ST3GAL1: variants seen among roughly 807,000 people sequenced by gnomAD.
ST3GAL1 encodes the protein ST3 beta-galactoside alpha-2,3-sialyltransferase 1.
A neutral mutation model predicts 34.1 loss-of-function variants in ST3GAL1; 16 were observed. The ratio of observed to expected loss-of-function variants is 0.47; its 90% CI spans 0.32 to 0.71. The LOEUF (loss-of-function observed/expected upper bound fraction) is 0.71, where lower values mean the gene tolerates loss of function less well. Ranked by LOEUF, ST3GAL1 falls within the 30% of genes least tolerant of loss-of-function variation. The pLI is 0.04. For synonymous variants in ST3GAL1, 191 were observed against 184.7 expected, an observed-to-expected ratio of 1.03 and a Z score of -0.28; for missense variants, 353 against 447.4, an observed-to-expected ratio of 0.79 and a Z score of 1.90.
chr8:133,463,066 G>A (rs529678251), intron 8 of ST3GAL1, among the ~76,000 whole-genome samples: 1 of 152,346 alleles, frequency 6.6e-6, no homozygotes, highest in East Asian at 1.9e-4. Flanking sequence ...GGTGCAGCCT[G>A]GCTTTGAGAG....
At chr8:133,506,965 A>AT (rs1554615413) in intron 2 of ST3GAL1, among the ~76,000 whole-genome samples, 1 of 102,712 alleles carries the variant, frequency 9.7e-6, no homozygotes. Context: ...ATAATAAATA[A>AT]AAATAAAAAT....
rs778239280 is a variant in ST3GAL1 at position 133,467,169 on chromosome 8, C to G, written c.307-1079G>C. On this transcript the variant is annotated intron_variant, in intron 5 of 9. Coordinates refer to ENST00000522652, the MANE Select transcript of ST3GAL1 (RefSeq NM_173344.3). This position sits in a 1 kb window ranked among gnomAD's most constrained non-coding sequence, Gnocchi z 4.2. ...GAATGCCAGTCTTATTCCAGGGTGA[C>G]TAAATATTACTTATTTGCCCAGGTT... Among the ~76,000 whole-genome samples the G allele has an allele frequency of 1.1e-4, 17 of 151,856 alleles. No individual in the cohort carries two copies. Among genetic ancestry groups the G allele is most frequent in the Admixed American group, 2.6e-4 (4 of 15,270 alleles).
chr8:133,521,752 G>A (rs1298822549), intron 2 of ST3GAL1, among the ~76,000 whole-genome samples: 12 of 152,138 alleles, frequency 7.9e-5, no homozygotes, highest in Non-Finnish European at 1.2e-4. Context: ...TAAATAACAC[G>A]GAGGAATATC....
intron 1 of ST3GAL1, among the ~76,000 whole-genome samples, chr8:133,562,852 T>C (rs1563744741): frequency 3.5e-5 from 2 of 56,978 alleles, no homozygotes; most frequent in African/African-American, 8.9e-5. Context: ...CTTTCTTTCT[T>C]TTTTTTTTTT....
chr8:133,464,146 C>G (rs1563694282), intron 7 of ST3GAL1, among the ~76,000 whole-genome samples: 2 of 152,358 alleles, frequency 1.3e-5, no homozygotes, highest in Non-Finnish European at 2.9e-5. Flanking sequence ...AGCACAGGCT[C>G]TGTGTCGAGT....
chr8:133,464,997 G>T, intron 6 of ST3GAL1, 40 bp from the exon 7 acceptor site: 1 of 1,578,962 alleles, frequency 6.3e-7, no homozygotes, highest in Non-Finnish European at 8.6e-7. Context: ...TGTAGCACGG[G>T]CACCCGTTCT....
chr8:133,571,093 C>T lies in ST3GAL1; in HGVS notation c.-582+600G>A, dbSNP rs1426351587. Among the ~76,000 whole-genome samples the T allele has an allele frequency of 6.6e-6, 1 of 152,202 alleles. No individual in the cohort carries two copies. The highest frequency in any genetic ancestry group is 1.5e-5 in the Non-Finnish European group (1 of 68,030). Reference sequence around the variant, plus strand: ...GCGCGCTCTGACGGCGTCCCCGGGGCCGATAGCCACCTCCCGGATCTGCGC... The same window carrying T: ...GCGCGCTCTGACGGCGTCCCCGGGGTCGATAGCCACCTCCCGGATCTGCGC... On this transcript the variant is annotated intron_variant, in intron 1 of 9. Coordinates refer to ENST00000522652, the MANE Select transcript of ST3GAL1 (RefSeq NM_173344.3). The surrounding 1 kb of genome is among the most constrained non-coding windows in gnomAD (Gnocchi z 6.7).
chr8:133,567,357 A>T (rs776963501), intron 1 of ST3GAL1: 2 of 152,210 alleles, frequency 1.3e-5, no homozygotes, highest in African/African-American at 2.4e-5. Flanking sequence ...TGTTGGCTCA[A>T]CTGAAATCAA....
chr8:133,464,947 C>T lies in ST3GAL1; in HGVS notation c.514G>A (p.Ala172Thr). The change falls in exon 7 of 10, where the codon GCG (alanine) becomes ACG (threonine). Residue 172 changes from alanine (A) to threonine (T), a missense_variant. By Grantham distance (58) the Ala-to-Thr change is moderately conservative (BLOSUM62 0). Transcript: ENST00000522652. Reference sequence around the variant, plus strand: ...TCAGCTTCAAACCCTGCCGTGGGCGCCTTGTTCATCCTGGGAGAGAAGGGG... The same window carrying T: ...TCAGCTTCAAACCCTGCCGTGGGCGTCTTGTTCATCCTGGGAGAGAAGGGG... ...SHDFVLRMNK[A>T]PTAGFEADVG... 2.5e-6 allele frequency: 4 copies of T among 1,612,712 alleles called. No homozygotes were observed. The highest frequency in any genetic ancestry group is 3.4e-6 in the Non-Finnish European group (4 of 1,179,136).
At chr8:133,519,792 A>AT (rs1554616538) in intron 2 of ST3GAL1, among the ~76,000 whole-genome samples, 3 of 151,374 alleles carry the variant, frequency 2.0e-5, no homozygotes, top group African/African-American at 7.3e-5. Context: ...CTAAAAAAAA[A>AT]TACAAACATT....
chr8:133,494,112 G>T (rs1816869679), intron 3 of ST3GAL1, among the ~76,000 whole-genome samples: 1 of 152,182 alleles, frequency 6.6e-6, no homozygotes, highest in Admixed American at 6.5e-5. Context: ...TTATTAGGAA[G>T]AATTTGCTGT....
chr8:133,558,146 G>C (rs1262302972), intron 1 of ST3GAL1, among the ~76,000 whole-genome samples: 3 of 152,196 alleles, frequency 2.0e-5, no homozygotes, highest in Non-Finnish European at 4.4e-5. Flanking sequence ...AAGCTGCCCA[G>C]AGGTCAAAAC....
At chr8:133,485,758 T>C (rs1816566027) in intron 3 of ST3GAL1, among the ~76,000 whole-genome samples, 1 of 97,814 alleles carries the variant, frequency 1.0e-5, no homozygotes, top group African/African-American at 4.2e-5. Flanking sequence ...GGAGGTGTCA[T>C]GGGCTGCAAC....
chr8:133,528,182 GA>G lies in ST3GAL1; in HGVS notation c.-429+17591del, dbSNP rs374193055. The stretch of plus-strand genomic sequence containing the variant: ...GAGCGAGACTCTGTCTCAAATAAAA[GA>G]AAAAAAAAATTACCCAGAAATGATG... On this transcript the variant is annotated intron_variant, in intron 2 of 9. Transcript: ENST00000522652. 5.4e-4 allele frequency among the ~76,000 whole-genome samples: 80 copies of G among 149,394 alleles called. 2 individuals carry two copies. The highest frequency in any genetic ancestry group is 1.5e-3 in the Admixed American group (22 of 15,002).
intron 8 of ST3GAL1, among the ~76,000 whole-genome samples, 178 bp downstream of exon 8, chr8:133,463,236 T>C (rs2130918381): frequency 6.6e-6 from 1 of 152,316 alleles, no homozygotes; most frequent in South Asian, 2.1e-4. Context: ...GGGACCCCAC[T>C]TTGAGAATCT....
At chr8:133,509,540 CTGAGCTCCTGAGT>C (rs1817443751) in intron 2 of ST3GAL1, among the ~76,000 whole-genome samples, 1 of 152,228 alleles carries the variant, frequency 6.6e-6, no homozygotes, top group African/African-American at 2.4e-5. Context: ...GACCATGAGA[CTGAGCTCCTGAGT>C]GAGCCGCTTG....
intron 2 of ST3GAL1, among the ~76,000 whole-genome samples, chr8:133,514,390 G>C (rs75132893): frequency 7.2e-5 from 11 of 152,184 alleles, no homozygotes; most frequent in Admixed American, 4.6e-4. Flanking sequence ...TTTGCTCCCC[G>C]TCATATCTCC....
chr8:133,482,905 C>T (rs1161560942), intron 3 of ST3GAL1, among the ~76,000 whole-genome samples: 1 of 150,252 alleles, frequency 6.7e-6, no homozygotes, highest in African/African-American at 2.5e-5. Context: ...CAACAGTTGT[C>T]AACAACAACA....
chr8:133,512,656 G>T (rs996994226), intron 2 of ST3GAL1, among the ~76,000 whole-genome samples: 6 of 152,148 alleles, frequency 3.9e-5, no homozygotes, highest in Non-Finnish European at 1.5e-5. Flanking sequence ...TCCGCACAGG[G>T]TTGGTCCAGG....
Sources: gnomAD v4.1 joint callset for allele counts (sites outside exome capture counted in the v4.1 genomes callset) on GRCh38, gnomAD v4.1.1 for gene constraint, Gnocchi (gnomAD v3.1) non-coding constraint, MANE v1.5 for transcripts, NCBI Gene and HGNC (gene_info 2026-07-23, HGNC 2026-07-21) for gene names.